PRORP: variants seen among roughly 807,000 people sequenced by gnomAD.
PRORP encodes the protein mitochondrial ribonuclease P catalytic subunit.
Under a neutral mutation model 59.4 loss-of-function variants are expected in PRORP, and 51 were observed. That is an observed-to-expected ratio of 0.86 (90% confidence interval 0.69 to 1.08). The LOEUF is 1.08. Ranked by LOEUF, PRORP falls within the 50% of genes least tolerant of loss-of-function variation. PRORP has a pLI of 0.00. For synonymous variants in PRORP, 231 were observed against 245.6 expected (o/e 0.94, Z 0.55); for missense variants, 646 against 690.3 (o/e 0.94, Z 0.72).
chr14:35,190,179 A>G (rs552896701), intron 5 of PRORP, among the ~76,000 whole-genome samples: 1 of 151,484 alleles, frequency 6.6e-6, no homozygotes, highest in Admixed American at 6.6e-5. Context: ...TGAGTGGATC[A>G]TCTGAGTTCA....
chr14:35,211,975 A>G (rs1442976208), intron 5 of PRORP, among the ~76,000 whole-genome samples: 7 of 152,226 alleles, frequency 4.6e-5, no homozygotes, highest in Non-Finnish European at 7.3e-5. Flanking sequence ...TGTATCAACT[A>G]AACTTATGGA....
chr14:35,172,463 T>C (rs902046196), intron 4 of PRORP, among the ~76,000 whole-genome samples: 1 of 140,610 alleles, frequency 7.1e-6, no homozygotes, highest in Admixed American at 7.4e-5. Context: ...CTTCTTTCTT[T>C]CTTTCCCCTC....
Position 35,126,753 on chromosome 14 carries a change from GA to G in PRORP, c.1008del (p.Gly337AspfsTer19). The G allele has an allele frequency of 6.2e-7, 1 of 1,610,500 alleles. No homozygotes were observed. The highest frequency in any genetic ancestry group is 1.3e-5 in the African/African-American group (1 of 74,938). On this transcript the variant is annotated frameshift_variant, in exon 3 of 8. Transcript: ENST00000534898. LOFTEE classifies it high-confidence loss of function. The part of the protein sequence containing the change: ...WFESVPGKQW[K>X]GQFTTVRKSG... Reference sequence around the variant, plus strand: ...TTCATAGTGTTCCTGGAAAACAATGGAAAGGACAATTCACCACAGTCCGAAA... The same window carrying G: ...TTCATAGTGTTCCTGGAAAACAATGGAAGGACAATTCACCACAGTCCGAAA...
Position 35,264,845 on chromosome 14 carries a change from G to C in PRORP, c.1276-1882G>C, listed in dbSNP as rs192423229. On this transcript the variant is annotated intron_variant, in intron 5 of 7. Transcript: ENST00000534898. ...ATACAAAAATTAGCCAGGCATGATG[G>C]CGTGTGCCTGTAGTCCCACCTACTC... 1.7e-3 allele frequency among the ~76,000 whole-genome samples: 262 copies of C among 152,202 alleles called. 1 individual carries two copies. The highest frequency in any genetic ancestry group is 6.8e-3 in the Middle Eastern group (2 of 294).
chr14:35,249,940 C>T (rs952850308), intron 5 of PRORP, among the ~76,000 whole-genome samples: 2 of 152,086 alleles, frequency 1.3e-5, no homozygotes, highest in African/African-American at 2.4e-5. Context: ...GGTGTGCACA[C>T]TCACATGGTT....
At chr14:35,234,676 C>CTTTTTTTTTTT (rs398056986) in intron 5 of PRORP, among the ~76,000 whole-genome samples, 1 of 130,136 alleles carries the variant, frequency 7.7e-6, no homozygotes, top group Non-Finnish European at 1.6e-5. Flanking sequence ...ACTGTTGTTC[C>CTTTTTTTTTTT]TTTTTTTTTT....
chr14:35,171,030 G>T (rs1255210541), intron 4 of PRORP, among the ~76,000 whole-genome samples: 1 of 152,034 alleles, frequency 6.6e-6, no homozygotes, highest in Non-Finnish European at 1.5e-5. Context: ...TGTATTTTTA[G>T]TAGAGATGGG....
At chr14:35,235,234 C>T (rs1476419356) in intron 5 of PRORP, 11 of 727,378 alleles carry the variant, frequency 1.5e-5, no homozygotes, top group Non-Finnish European at 2.7e-5. Flanking sequence ...TGATGCGAGC[C>T]ACAGACTTGG....
chr14:35,196,601 G>T (rs991847293), intron 5 of PRORP, among the ~76,000 whole-genome samples: 10 of 152,130 alleles, frequency 6.6e-5, no homozygotes, highest in African/African-American at 2.4e-4. Flanking sequence ...AGTGACTTGA[G>T]GAAACAAATT....
intron 5 of PRORP, among the ~76,000 whole-genome samples, chr14:35,207,878 G>A (rs915590209): frequency 2.6e-5 from 4 of 152,144 alleles, no homozygotes; most frequent in Admixed American, 1.3e-4. Flanking sequence ...CTGGCCGGGC[G>A]CGGTGGCTCA....
intron 5 of PRORP, among the ~76,000 whole-genome samples, chr14:35,238,795 C>T (rs1384347919): frequency 6.6e-6 from 1 of 152,180 alleles, no homozygotes; most frequent in African/African-American, 2.4e-5. Context: ...TAAAGCTGGA[C>T]ACTGTGCTTA....
At chr14:35,195,881 A>C (rs987643676) in intron 5 of PRORP, among the ~76,000 whole-genome samples, 3 of 152,196 alleles carry the variant, frequency 2.0e-5, no homozygotes, top group African/African-American at 7.2e-5. Flanking sequence ...TCAAGGAGTT[A>C]CTTTAGTATT....
At chr14:35,212,084 C>G (rs1313462962) in intron 5 of PRORP, among the ~76,000 whole-genome samples, 1 of 152,170 alleles carries the variant, frequency 6.6e-6, no homozygotes, top group African/African-American at 2.4e-5. Flanking sequence ...CTTTGTTTCT[C>G]CATAACAAGC....
chr14:35,220,993 A>C (rs1204160248), intron 5 of PRORP, among the ~76,000 whole-genome samples: 3 of 152,198 alleles, frequency 2.0e-5, no homozygotes, highest in Non-Finnish European at 4.4e-5. Context: ...GAAGATCAAG[A>C]AGAGACTGGG....
At chr14:35,215,227 G>A (rs2049555893) in intron 5 of PRORP, among the ~76,000 whole-genome samples, 1 of 152,098 alleles carries the variant, frequency 6.6e-6, no homozygotes, top group Non-Finnish European at 1.5e-5. Context: ...CAAGCAGGTT[G>A]CCTGTGAAGA....
At chr14:35,164,283 C>CT (rs777306521) in intron 4 of PRORP, among the ~76,000 whole-genome samples, 34 of 152,324 alleles carry the variant, frequency 2.2e-4, no homozygotes, top group Non-Finnish European at 2.2e-4. Flanking sequence ...GAATCCACTG[C>CT]TGGGTGTATA....
At chr14:35,194,045 G>A (rs1306624834) in intron 5 of PRORP, among the ~76,000 whole-genome samples, 1 of 152,050 alleles carries the variant, frequency 6.6e-6, no homozygotes, top group Non-Finnish European at 1.5e-5. Context: ...TTTTATGCAT[G>A]GATTGAAAGT....
At chr14:35,146,096 G>T (rs1047441738) in intron 4 of PRORP, among the ~76,000 whole-genome samples, 2 of 152,072 alleles carry the variant, frequency 1.3e-5, no homozygotes, top group Non-Finnish European at 2.9e-5. Flanking sequence ...CTCCCAAAGT[G>T]CTGGGATTAC....
chr14:35,216,782 A>G (rs1243175661), intron 5 of PRORP, among the ~76,000 whole-genome samples: 1 of 152,174 alleles, frequency 6.6e-6, no homozygotes, highest in African/African-American at 2.4e-5. Context: ...TAAAGGATCT[A>G]ATTTCTCCAT....
Sources: allele counts gnomAD v4.1 joint callset (sites outside exome capture counted in the v4.1 genomes callset), GRCh38; gene constraint gnomAD v4.1.1; transcripts MANE v1.5; gene names NCBI Gene and HGNC (gene_info 2026-07-23, HGNC 2026-07-21).